CYP39A1: variants seen among roughly 807,000 people sequenced by gnomAD.
CYP39A1 encodes 24-hydroxycholesterol 7-alpha-hydroxylase.
CYP39A1 carries 49 observed loss-of-function variants against 58.1 expected under a neutral mutation model. The observed-to-expected ratio is 0.84, with a 90% CI of 0.67 to 1.07. The LOEUF (loss-of-function observed/expected upper bound fraction) is 1.07, where lower values mean the gene tolerates loss of function less well. Ranked by LOEUF, CYP39A1 falls within the 50% of genes least tolerant of loss-of-function variation. The pLI, the probability that CYP39A1 is intolerant of heterozygous loss-of-function variation, is 0.00. For synonymous variants in CYP39A1, 209 were observed against 187.6 expected (o/e 1.11, Z -0.93); for missense variants, 531 against 539.4 (o/e 0.98, Z 0.16).
At chr6:46,625,609 T>A in intron 6 of CYP39A1, 101 bp from the exon 7 acceptor site, 1 of 785,872 alleles carries the variant, frequency 1.3e-6, no homozygotes, top group Non-Finnish European at 1.9e-6. Context: ...AAGGATGATG[T>A]TTAAATTAAC....
At chr6:46,584,466 C>G (rs574571853) in intron 10 of CYP39A1, among the ~76,000 whole-genome samples, 2 of 152,086 alleles carry the variant, frequency 1.3e-5, no homozygotes, top group African/African-American at 4.8e-5. Context: ...ACCTGACCCC[C>G]GCTTCTAATC....
chr6:46,556,900 T>C (rs1393312115), intron 10 of CYP39A1, among the ~76,000 whole-genome samples: 4 of 151,926 alleles, frequency 2.6e-5, no homozygotes, highest in African/African-American at 4.8e-5. Flanking sequence ...AGAAAGCCCA[T>C]TGAAAAAATA....
At chr6:46,571,673 T>C (rs1023367088) in intron 10 of CYP39A1, among the ~76,000 whole-genome samples, 2 of 151,884 alleles carry the variant, frequency 1.3e-5, no homozygotes, top group African/African-American at 4.8e-5. Flanking sequence ...TTTTTTTTTT[T>C]ACCAATTCAG....
chr6:46,588,175 T>C (rs760188254), intron 8 of CYP39A1, 46 bp from the exon 9 acceptor site: 1 of 1,219,954 alleles, frequency 8.2e-7, no homozygotes, highest in Non-Finnish European at 1.2e-6. Context: ...GAAATATACT[T>C]TAAAGAGAAT....
intron 7 of CYP39A1, among the ~76,000 whole-genome samples, chr6:46,611,375 A>G (rs1774203645): frequency 6.6e-6 from 1 of 152,246 alleles, no homozygotes; most frequent in Non-Finnish European, 1.5e-5. Context: ...GATATGAAGG[A>G]CTGACTGCAA....
chr6:46,568,410 T>C (rs553327937), intron 10 of CYP39A1, among the ~76,000 whole-genome samples: 6 of 152,144 alleles, frequency 3.9e-5, no homozygotes, highest in Non-Finnish European at 8.8e-5. Flanking sequence ...TTTCATAAAG[T>C]CCAATTTTGT....
intron 1 of CYP39A1, 122 bp downstream of exon 1, chr6:46,652,284 T>A: frequency 1.0e-6 from 1 of 967,360 alleles, no homozygotes; most frequent in Non-Finnish European, 1.5e-6. Context: ...GACTAGATCC[T>A]TTAGTTGAGG....
Position 46,581,419 on chromosome 6 carries a change from AAGAG to A in CYP39A1, c.1250+5654_1250+5657del, listed in dbSNP as rs201913519. Among the ~76,000 whole-genome samples, 1,494 of 151,874 alleles carry A rather than the reference AAGAG, an allele frequency of 9.8e-3. 12 individuals carry two copies. The highest frequency in any genetic ancestry group is 0.017 in the Non-Finnish European group (1,157 of 67,890). On this transcript the variant is annotated intron_variant, in intron 10 of 11. Transcript: ENST00000275016. The stretch of plus-strand genomic sequence containing the variant: ...GGCCTGTCTCAGAAAAAAAAAAAAA[AAGAG>A]AGAGACAGAGAAAAGAAAAAGAAAG...
At chr6:46,632,038 G>A (rs1334162953) in intron 5 of CYP39A1, among the ~76,000 whole-genome samples, 2 of 152,120 alleles carry the variant, frequency 1.3e-5, no homozygotes, top group Admixed American at 6.5e-5. Context: ...TGTTTTAAGT[G>A]TATTGCAAGT....
At chr6:46,651,150 T>C (rs1762660752) in intron 1 of CYP39A1, among the ~76,000 whole-genome samples, 1 of 152,216 alleles carries the variant, frequency 6.6e-6, no homozygotes, top group Admixed American at 6.5e-5. Context: ...GTCCTTTGAC[T>C]CAGCAATTCT....
intron 10 of CYP39A1, among the ~76,000 whole-genome samples, chr6:46,580,120 T>C (rs749252094): frequency 1.3e-5 from 2 of 152,090 alleles, no homozygotes; most frequent in Non-Finnish European, 2.9e-5. Context: ...AAGGCCACAG[T>C]AACCCAAACA....
chr6:46,598,686 G>A (rs1257685121), intron 7 of CYP39A1, among the ~76,000 whole-genome samples: 1 of 152,112 alleles, frequency 6.6e-6, no homozygotes, highest in Non-Finnish European at 1.5e-5. Context: ...GGCATTCACT[G>A]GAGAATAAAG....
chr6:46,562,019 A>AGTTT (rs904639921), intron 10 of CYP39A1, among the ~76,000 whole-genome samples: 9 of 151,942 alleles, frequency 5.9e-5, no homozygotes, highest in South Asian at 2.1e-4. Context: ...CTAAGAGAGT[A>AGTTT]GTTTGTTTGT....
chr6:46,636,234 T>G (rs909950419), intron 5 of CYP39A1, among the ~76,000 whole-genome samples, 155 bp downstream of exon 5: 2 of 152,222 alleles, frequency 1.3e-5, no homozygotes, highest in African/African-American at 2.4e-5. Context: ...GTTGTGATGA[T>G]GTAACAGTGA....
chr6:46,607,391 T>C (rs1773912502), intron 7 of CYP39A1, among the ~76,000 whole-genome samples: 2 of 149,974 alleles, frequency 1.3e-5, no homozygotes, highest in African/African-American at 4.9e-5. Flanking sequence ...ATGAGTCAAA[T>C]AGAATCACTA....
At chr6:46,590,501 C>T (rs1290348021) in intron 8 of CYP39A1, among the ~76,000 whole-genome samples, 1 of 152,038 alleles carries the variant, frequency 6.6e-6, no homozygotes, top group Admixed American at 6.6e-5. Context: ...ACAGCCTTTT[C>T]TCCTAGCTTT....
At chr6:46,573,880 T>G (rs1771719497) in intron 10 of CYP39A1, among the ~76,000 whole-genome samples, 3 of 152,170 alleles carry the variant, frequency 2.0e-5, no homozygotes, top group Non-Finnish European at 4.4e-5. Flanking sequence ...CTTACATGAT[T>G]AGGAAGTGCT....
intron 6 of CYP39A1, among the ~76,000 whole-genome samples, 166 bp from the exon 7 acceptor site, chr6:46,625,674 A>G (rs879025881): frequency 6.6e-6 from 1 of 152,078 alleles, no homozygotes; most frequent in Admixed American, 6.5e-5. Flanking sequence ...TATTATTAAT[A>G]AGAGATATGT....
intron 8 of CYP39A1, among the ~76,000 whole-genome samples, chr6:46,590,371 G>C (rs1772757756): frequency 6.6e-6 from 1 of 152,052 alleles, no homozygotes; most frequent in Admixed American, 6.6e-5. Context: ...AGAGAAGGCA[G>C]GACTCTGTGT....
Sources: gnomAD v4.1 joint callset for allele counts (sites outside exome capture counted in the v4.1 genomes callset) on GRCh38, gnomAD v4.1.1 for gene constraint, MANE v1.5 for transcripts, NCBI Gene and HGNC (gene_info 2026-07-23, HGNC 2026-07-21) for gene names.